The following PRTG variants were observed in gnomAD, a reference collection of about 807,000 sequenced individuals.
PRTG encodes protogenin.
Under a neutral mutation model 122.5 loss-of-function variants are expected in PRTG, and 67 were observed. The observed-to-expected ratio is 0.55, with a 90% confidence interval of 0.45 to 0.67. PRTG has a LOEUF of 0.67. Ranked by LOEUF, PRTG falls within the 30% of genes least tolerant of loss-of-function variation. PRTG has a pLI of 0.00. For synonymous variants in PRTG, 554 were observed against 501.1 expected, an observed-to-expected ratio of 1.11 and a Z score of -1.41; for missense variants, 1,435 against 1,415.4, an observed-to-expected ratio of 1.01 and a Z score of -0.22.
chr15:55,729,969 G>T (rs1360827502), intron 2 of PRTG, among the ~76,000 whole-genome samples: 1 of 152,124 alleles, frequency 6.6e-6, no homozygotes, highest in Non-Finnish European at 1.5e-5. Flanking sequence ...AAATAGAAAT[G>T]CATTAGCAAT....
At chr15:55,682,338 A>T (rs192032951) in intron 4 of PRTG, 26 bp downstream of exon 4, 1 of 1,536,238 alleles carries the variant, frequency 6.5e-7, no homozygotes, top group South Asian at 1.3e-5. Flanking sequence ...ACGTCATAAA[A>T]ATGGAAAAAC....
At chr15:55,733,835 AAAC>A (rs370070328) in intron 2 of PRTG, among the ~76,000 whole-genome samples, 130 of 152,164 alleles carry the variant, frequency 8.5e-4, no homozygotes, top group African/African-American at 2.7e-3. Context: ...TCAACAACAA[AAAC>A]AACAACAACA....
At chr15:55,638,516 A>G in intron 14 of PRTG, 33 bp downstream of exon 14, 1 of 1,534,246 alleles carries the variant, frequency 6.5e-7, no homozygotes, top group Admixed American at 2.1e-5. Flanking sequence ...ATTTTTTTTA[A>G]AGATAAAATC....
At chr15:55,645,205 A>C in intron 11 of PRTG, among the ~76,000 whole-genome samples, 1 of 151,120 alleles carries the variant, frequency 6.6e-6, no homozygotes, top group East Asian at 2.0e-4. Flanking sequence ...GGAGGCCGAG[A>C]CGGGCGGATC....
chr15:55,641,264 G>T (rs1189738180), intron 11 of PRTG, 56 bp from the exon 12 acceptor site: 68 of 1,284,212 alleles, frequency 5.3e-5, no homozygotes, highest in Non-Finnish European at 6.3e-5. Context: ...CTGAGCAAAG[G>T]TTCTGAATGA....
chr15:55,638,645 C>G lies in PRTG; in HGVS notation c.2356G>C (p.Glu786Gln). The change falls in exon 14 of 20, where the codon GAA becomes CAA. Residue 786 changes from glutamate (E) to glutamine (Q), a missense_variant. By Grantham distance (29) the Glu-to-Gln change is conservative. Transcript: ENST00000389286. ...SETHMLVQGL[E>Q]PNTKYEFAVR... ...GCAAATTCGTATTTGGTGTTTGGTT[C>G]TAGACCTTGAACCAACATGTGAGTT... is the stretch of plus-strand genomic sequence containing the variant. The G allele has an allele frequency of 1.2e-6, 2 of 1,613,512 alleles. No individual in the cohort carries two copies. The highest frequency in any genetic ancestry group is 1.1e-5 in the South Asian group (1 of 90,968).
chr15:55,657,441 C>T (rs1054694521), intron 11 of PRTG, among the ~76,000 whole-genome samples: 2 of 152,152 alleles, frequency 1.3e-5, no homozygotes, highest in Non-Finnish European at 1.5e-5. Context: ...CCACTAATAT[C>T]TCTAGGTCAA....
intron 2 of PRTG, among the ~76,000 whole-genome samples, chr15:55,691,296 CAAAAAAAAAA>C (rs59129695): frequency 1.2e-5 from 1 of 82,832 alleles, no homozygotes; most frequent in Admixed American, 1.3e-4. Flanking sequence ...AACTCTGTTT[CAAAAAAAAAA>C]AAAAAAAAAG....
chr15:55,692,319 G>A (rs1415740531), intron 2 of PRTG, among the ~76,000 whole-genome samples: 1 of 152,178 alleles, frequency 6.6e-6, no homozygotes, highest in Non-Finnish European at 1.5e-5. Flanking sequence ...AGAGAGATCT[G>A]CTATGGGTTT....
chr15:55,709,388 T>G (rs4598842), intron 2 of PRTG, among the ~76,000 whole-genome samples: 83,070 of 146,704 alleles, frequency 0.57, 23,610 homozygotes, highest in Admixed American at 0.6. Context: ...TATATATATA[T>G]AGAGAGAGAG....
At chr15:55,703,613 C>G (rs1417507724) in intron 2 of PRTG, among the ~76,000 whole-genome samples, 1 of 152,162 alleles carries the variant, frequency 6.6e-6, no homozygotes, top group African/African-American at 2.4e-5. Flanking sequence ...AAGAAAAGTC[C>G]AGGGAAGTAA....
intron 11 of PRTG, among the ~76,000 whole-genome samples, chr15:55,648,680 A>G (rs1252034975): frequency 2.0e-5 from 3 of 152,238 alleles, no homozygotes; most frequent in Non-Finnish European, 4.4e-5. Context: ...CAAAACAGTT[A>G]TGCATGAACT....
chr15:55,725,662 C>G (rs2031004345), intron 2 of PRTG, among the ~76,000 whole-genome samples: 1 of 151,882 alleles, frequency 6.6e-6, no homozygotes, highest in Admixed American at 6.6e-5. Flanking sequence ...CCTTCCTTAT[C>G]AGTAATTACA....
intron 2 of PRTG, among the ~76,000 whole-genome samples, chr15:55,686,128 G>A (rs180762632): frequency 6.6e-6 from 1 of 152,072 alleles, no homozygotes; most frequent in Admixed American, 6.6e-5. Context: ...CAATAATCAG[G>A]TAAGTTTGTC....
intron 11 of PRTG, among the ~76,000 whole-genome samples, chr15:55,652,524 C>A (rs2059358484): frequency 6.6e-6 from 1 of 152,088 alleles, no homozygotes; most frequent in Admixed American, 6.5e-5. Context: ...CCAAGCCTGT[C>A]CCTTCGACAC....
intron 7 of PRTG, 80 bp downstream of exon 7, chr15:55,679,206 T>C: frequency 2.3e-6 from 2 of 864,606 alleles, no homozygotes; most frequent in Non-Finnish European, 3.6e-6. Context: ...AGGTATTTGA[T>C]ATTATTATAA....
At chr15:55,690,242 C>T (rs1338741809) in intron 2 of PRTG, among the ~76,000 whole-genome samples, 1 of 152,108 alleles carries the variant, frequency 6.6e-6, no homozygotes, top group Non-Finnish European at 1.5e-5. Flanking sequence ...CAATTTTAAT[C>T]ACTTTTAGGA....
chr15:55,732,904 T>C (rs1347466758), intron 2 of PRTG, among the ~76,000 whole-genome samples: 1 of 152,124 alleles, frequency 6.6e-6, no homozygotes, highest in Non-Finnish European at 1.5e-5. Context: ...AAAAAATATA[T>C]ACAACGCTTA....
intron 5 of PRTG, 134 bp downstream of exon 5, chr15:55,680,357 G>A (rs1163158430): frequency 2.2e-5 from 26 of 1,175,932 alleles, no homozygotes; most frequent in Non-Finnish European, 3.0e-5. Flanking sequence ...TCTACTCACT[G>A]AAATGCCAAA....
Sources: gnomAD v4.1 joint callset for allele counts (sites outside exome capture counted in the v4.1 genomes callset) on GRCh38, gnomAD v4.1.1 for gene constraint, MANE v1.5 for transcripts, NCBI Gene and HGNC (gene_info 2026-07-23, HGNC 2026-07-21) for gene names.